The following PDLIM5 variants were observed in gnomAD, a reference collection of about 807,000 sequenced individuals.
PDLIM5 encodes PDZ and LIM domain 5.
A neutral mutation model predicts 64.2 loss-of-function variants in PDLIM5; 34 were observed. That is an observed-to-expected ratio of 0.53 (90% CI 0.40 to 0.71). The LOEUF (loss-of-function observed/expected upper bound fraction) is 0.71, where lower values mean the gene tolerates loss of function less well. Ranked by LOEUF, PDLIM5 falls within the 30% of genes least tolerant of loss-of-function variation. The pLI is 0.00. For missense variants in PDLIM5, 683 were observed against 733.6 expected (o/e 0.93, Z 0.80); for synonymous variants, 253 against 269.1 (o/e 0.94, Z 0.59).
At chr4:94,550,235 A>T (rs1417803541) in intron 3 of PDLIM5, among the ~76,000 whole-genome samples, 3 of 152,150 alleles carry the variant, frequency 2.0e-5, no homozygotes, top group Admixed American at 1.3e-4. Context: ...CTATGATTGC[A>T]TATGGATTAT....
chr4:94,576,045 A>T lies in PDLIM5; in HGVS notation c.710+11A>T. 1 of 1,605,184 alleles carries T rather than the reference A, an allele frequency of 6.2e-7. No homozygotes were observed. Among genetic ancestry groups the T allele is most frequent in the Non-Finnish European group, 8.5e-7 (1 of 1,173,630 alleles). ...TAAACAGCAAAATGGGTAGGTGGCT[A>T]AGGTGCTTTCTGCTCTTACTAAAAC... On this transcript the variant is annotated intron_variant, in intron 5 of 12. Coordinates refer to ENST00000317968, the MANE Select transcript of PDLIM5 (RefSeq NM_006457.5).
intron 7 of PDLIM5, among the ~76,000 whole-genome samples, chr4:94,595,778 A>T (rs1201225272): frequency 1.3e-5 from 2 of 152,198 alleles, no homozygotes; most frequent in Non-Finnish European, 2.9e-5. Context: ...TATATTACCT[A>T]AAGCTGCTAT....
At chr4:94,467,780 C>G (rs1724505464) in intron 2 of PDLIM5, among the ~76,000 whole-genome samples, 1 of 152,180 alleles carries the variant, frequency 6.6e-6, no homozygotes, top group Admixed American at 6.5e-5. Flanking sequence ...TCCGACCCAA[C>G]AGTTCTACTT....
chr4:94,518,530 C>T (rs1729559315), intron 2 of PDLIM5, among the ~76,000 whole-genome samples: 1 of 152,084 alleles, frequency 6.6e-6, no homozygotes, highest in Non-Finnish European at 1.5e-5. Flanking sequence ...GGAGGCTAAG[C>T]ATTTTGGGTA....
intron 2 of PDLIM5, chr4:94,456,962 G>T (rs888871434): frequency 1.0e-6 from 1 of 990,694 alleles, no homozygotes; most frequent in Non-Finnish European, 1.2e-6. Context: ...CAACAGTTAT[G>T]CTGTGCTGCC....
At chr4:94,568,462 A>G (rs1253817587) in intron 3 of PDLIM5, among the ~76,000 whole-genome samples, 1 of 152,188 alleles carries the variant, frequency 6.6e-6, no homozygotes, top group Non-Finnish European at 1.5e-5. Flanking sequence ...GTAATAATGA[A>G]TTACTCTTAA....
intron 2 of PDLIM5, among the ~76,000 whole-genome samples, chr4:94,516,508 GTCTC>G (rs3838638): frequency 0.36 from 54,663 of 149,786 alleles, 13,055 homozygotes; most frequent in African/African-American, 0.69. Context: ...ATCCAAAGCA[GTCTC>G]TCTCTCTCTC....
rs1270272006 is a variant in PDLIM5 at position 94,523,979 on chromosome 4, T to C, written c.248+104T>C. ...AACTAAGACTCAGTTTCTGCTACCA[T>C]CATTTCAGGTAAATAAAAAATATAA... On this transcript the variant is annotated intron_variant, in intron 3 of 12. Coordinates refer to ENST00000317968, the MANE Select transcript of PDLIM5 (RefSeq NM_006457.5). 4.3e-5 allele frequency: 31 copies of C among 721,834 alleles called. No individual in the cohort carries two copies. In the East Asian group the frequency reaches 5.8e-4, roughly 14 times the overall value. The allele number at this position is 721,834 out of a possible 1,614,324, so 44.7% of individuals were successfully genotyped here.
At chr4:94,484,319 A>C (rs1286187016) in intron 2 of PDLIM5, among the ~76,000 whole-genome samples, 1 of 152,218 alleles carries the variant, frequency 6.6e-6, no homozygotes, top group African/African-American at 2.4e-5. Context: ...AAATTTGAAG[A>C]TGTTAAAATT....
At chr4:94,552,321 G>A (rs1732881729) in intron 3 of PDLIM5, among the ~76,000 whole-genome samples, 2 of 152,058 alleles carry the variant, frequency 1.3e-5, no homozygotes, top group African/African-American at 4.8e-5. Flanking sequence ...AAGTTGTCAA[G>A]TTGAATGGCT....
chr4:94,549,922 A>G (rs1324681803), intron 3 of PDLIM5: 1 of 152,126 alleles, frequency 6.6e-6, no homozygotes, highest in Non-Finnish European at 1.5e-5. Context: ...CTCAAGAAAA[A>G]AAAATGCTTA....
At chr4:94,557,087 A>G (rs892724159) in intron 3 of PDLIM5, among the ~76,000 whole-genome samples, 1 of 152,040 alleles carries the variant, frequency 6.6e-6, no homozygotes, top group Non-Finnish European at 1.5e-5. Flanking sequence ...TTCGTATAAG[A>G]TGTAAGGAAG....
At chr4:94,531,378 A>C (rs1284178080) in intron 3 of PDLIM5, among the ~76,000 whole-genome samples, 1 of 152,024 alleles carries the variant, frequency 6.6e-6, no homozygotes, top group Non-Finnish European at 1.5e-5. Context: ...ATATCAATCC[A>C]TTGAGGAAGA....
intron 7 of PDLIM5, among the ~76,000 whole-genome samples, chr4:94,617,042 C>A (rs1223771528): frequency 6.6e-6 from 1 of 152,170 alleles, no homozygotes; most frequent in Non-Finnish European, 1.5e-5. Context: ...CCTTGGCCTC[C>A]CAAAGTGCTG....
intron 8 of PDLIM5, among the ~76,000 whole-genome samples, chr4:94,626,097 A>G (rs1022634207): frequency 2.0e-5 from 3 of 152,160 alleles, no homozygotes; most frequent in Non-Finnish European, 2.9e-5. Flanking sequence ...AAACGGGAAA[A>G]AACACAAACT....
At chr4:94,580,146 G>C (rs940303094) in intron 5 of PDLIM5, among the ~76,000 whole-genome samples, 5 of 152,136 alleles carry the variant, frequency 3.3e-5, no homozygotes. Flanking sequence ...TCACTTTTGT[G>C]TTCCATTGGT....
At chr4:94,624,718 T>C (rs570946048) in intron 8 of PDLIM5, among the ~76,000 whole-genome samples, 2 of 152,276 alleles carry the variant, frequency 1.3e-5, no homozygotes, top group South Asian at 2.1e-4. Flanking sequence ...GAGCAACATA[T>C]GCAAAAACTG....
intron 2 of PDLIM5, among the ~76,000 whole-genome samples, chr4:94,500,062 G>T (rs1207094154): frequency 6.6e-6 from 1 of 152,174 alleles, no homozygotes; most frequent in Non-Finnish European, 1.5e-5. Context: ...TCTGCAGGGG[G>T]TCTTGGAACC....
rs60929032 is a variant in PDLIM5, at chr4:94,543,778, C to CTGTGTG, written c.248+19955_248+19960dup. ...ATTTTTAAGGCTGAATAGTATTCCA[C>CTGTGTG]TGTGTGTGTGTGTGTGTGTGTGTGT... On this transcript the variant is annotated intron_variant, in intron 3 of 12. Transcript: ENST00000317968. 1.5e-3 allele frequency among the ~76,000 whole-genome samples: 204 copies of CTGTGTG among 132,120 alleles called. 1 individual carries two copies. Among genetic ancestry groups the CTGTGTG allele is most frequent in the Non-Finnish European group, 2.1e-3 (133 of 61,960 alleles). 86.7% of individuals were successfully genotyped at this position (132,120 alleles called of 152,430 possible). A position where few individuals can be genotyped will look rare whatever the true frequency, so the allele number is the denominator to read the frequency against.
Sources: allele counts gnomAD v4.1 joint callset (sites outside exome capture counted in the v4.1 genomes callset), GRCh38; gene constraint gnomAD v4.1.1; transcripts MANE v1.5; gene names NCBI Gene and HGNC (gene_info 2026-07-23, HGNC 2026-07-21).